EARS2: variants seen among roughly 807,000 people sequenced by gnomAD.
The protein encoded by EARS2 is glutamyl-tRNA synthetase 2, mitochondrial.
Under a neutral mutation model 54.1 loss-of-function variants are expected in EARS2, and 50 were observed. The ratio of observed to expected loss-of-function variants is 0.92; its 90% CI spans 0.74 to 1.17. The LOEUF (loss-of-function observed/expected upper bound fraction) is 1.17. EARS2 is among the 50% of genes most tolerant of loss of function. EARS2 has a pLI of 0.00. For missense variants in EARS2, 673 were observed against 675.0 expected (o/e 1.00, Z 0.03); for synonymous variants, 298 against 281.0 (o/e 1.06, Z -0.61).
At chr16:23,533,577 C>G (rs1965361984) in intron 4 of EARS2, among the ~76,000 whole-genome samples, 1 of 152,126 alleles carries the variant, frequency 6.6e-6, no homozygotes, top group African/African-American at 2.4e-5. Flanking sequence ...AGAAAGGGTT[C>G]CATCATTAAA....
intron 3 of EARS2, among the ~76,000 whole-genome samples, chr16:23,536,583 GC>G (rs1421086633): frequency 4.0e-5 from 6 of 151,870 alleles, no homozygotes; most frequent in African/African-American, 7.3e-5. Context: ...AATCACTGGA[GC>G]CCAGGAGGTT....
intron 7 of EARS2, among the ~76,000 whole-genome samples, chr16:23,525,941 T>G (rs1341604601): frequency 6.7e-6 from 1 of 148,664 alleles, no homozygotes; most frequent in Non-Finnish European, 1.5e-5. Context: ...GAGGTTGCAG[T>G]GAGCCGAGAT....
chr16:23,548,306 C>T (rs1488616529), intron 2 of EARS2, among the ~76,000 whole-genome samples: 1 of 151,638 alleles, frequency 6.6e-6, no homozygotes, highest in Non-Finnish European at 1.5e-5. Context: ...AAGAATGACT[C>T]CCAAAGTAAG....
rs1470598467 is a variant in EARS2 at position 23,532,717 on chromosome 16, A to T, written c.1007T>A (p.Leu336Gln). The change falls in exon 5 of 9, where the codon CTG (leucine) becomes CAG (glutamine). Residue 336 changes from leucine to glutamine, a missense_variant. Leu to Gln is a moderately radical substitution (Grantham distance 113). Transcript: ENST00000449606. ...GGCTGAGTGACAGGTGACCTGTGTC[A>T]GGTTGAACTGTGTGATCAGCTCCGG... is the stretch of plus-strand genomic sequence containing the variant. ...TLPELITQFNLTQVTCHSALL... is the reference protein window; with the variant it reads ...TLPELITQFNQTQVTCHSALL... 7.4e-6 allele frequency: 12 copies of T among 1,613,980 alleles called. No individual in the cohort carries two copies. Among genetic ancestry groups the T allele is most frequent in the African/African-American group, 1.3e-5 (1 of 74,924 alleles).
rs1196644540 is a variant in EARS2 at position 23,523,582 on chromosome 16, G to A, written c.*789C>T. 6.6e-6 allele frequency: 1 copy of A among 152,274 alleles called. No homozygotes were observed. The highest frequency in any genetic ancestry group is 2.4e-5 in the African/African-American group (1 of 41,438). The allele number at this position is 152,274 out of a possible 1,614,324, so 9.4% of individuals were successfully genotyped here. ...TCTGGTGTCCAGTTCAGCCCTGCTT[G>A]TGTCACGTATCCTTTGCTGCTCTGA... is the stretch of plus-strand genomic sequence containing the variant. On this transcript the variant is annotated 3_prime_UTR_variant, in exon 9 of 9. Transcript: ENST00000449606.
chr16:23,527,550 CTTTTTT>C (rs33925429), intron 7 of EARS2, among the ~76,000 whole-genome samples: 13 of 84,484 alleles, frequency 1.5e-4, no homozygotes, highest in Non-Finnish European at 1.9e-4. Context: ...AGTGATCGTT[CTTTTTT>C]TTTTTTTTTT....
chr16:23,556,701 C>T (rs999922682), intron 1 of EARS2: 2 of 357,802 alleles, frequency 5.6e-6, no homozygotes, highest in Non-Finnish European at 1.1e-5. Flanking sequence ...CGTGCTCCTT[C>T]TTGTCATTTG....
chr16:23,545,039 ACCATGTTGG>A (rs1476241138), intron 2 of EARS2: 3 of 197,536 alleles, frequency 1.5e-5, no homozygotes, highest in Non-Finnish European at 3.1e-5. Context: ...ACAGCGTTTC[ACCATGTTGG>A]CCAGGCTGGT....
chr16:23,553,604 A>C (rs1424981245), intron 1 of EARS2, among the ~76,000 whole-genome samples: 1 of 152,110 alleles, frequency 6.6e-6, no homozygotes, highest in Non-Finnish European at 1.5e-5. Flanking sequence ...AAAGAAAAAA[A>C]AAATCGGTGG....
In EARS2 at chr16:23,524,058, C is replaced by T. The variant is rs1266007917; in HGVS notation, c.*313G>A. 6 of 340,270 alleles carry T rather than the reference C, an allele frequency of 1.8e-5. No individual in the cohort carries two copies. The highest frequency in any genetic ancestry group is 4.2e-5 in the African/African-American group (2 of 47,130). The allele number at this position is 340,270 out of a possible 1,614,324, so 21.1% of individuals were successfully genotyped here. On this transcript the variant is annotated 3_prime_UTR_variant, in exon 9 of 9. Transcript: ENST00000449606. ...CCTAGCAAACTGAAACCCAAGCCTT[C>T]TGCACTGTTCCGGGATGTTAACTTT...
rs774958671 is a variant in EARS2, at chr16:23,548,272, T to TAAAA, written c.296-3573_296-3570dup. Among the ~76,000 whole-genome samples, 41 of 146,602 alleles carry TAAAA rather than the reference T, an allele frequency of 2.8e-4. 1 individual carries two copies. In the East Asian group the frequency reaches 3.7e-3, roughly 13 times the overall value. On this transcript the variant is annotated intron_variant, in intron 2 of 8. Transcript: ENST00000449606. ...ATAAATAAATAAATAAATAAATAAATAAAATGAAAAAAATTAAAAAAGAAA... is the reference window on the plus strand; with the variant it reads ...ATAAATAAATAAATAAATAAATAAATAAAAAAAATGAAAAAAATTAAAAAAGAAA...
At chr16:23,527,191 C>T (rs1965243337) in intron 7 of EARS2, among the ~76,000 whole-genome samples, 1 of 151,814 alleles carries the variant, frequency 6.6e-6, no homozygotes, top group East Asian at 1.9e-4. Flanking sequence ...GTCTCAAACT[C>T]CTGGCTTCAA....
chr16:23,542,324 T>C (rs1300133338), intron 3 of EARS2, among the ~76,000 whole-genome samples: 2 of 126,396 alleles, frequency 1.6e-5, no homozygotes. Flanking sequence ...TTCTTTTTTT[T>C]TTTTTTTTTT....
intron 7 of EARS2, among the ~76,000 whole-genome samples, chr16:23,528,616 C>T (rs1262988239): frequency 6.6e-6 from 1 of 152,182 alleles, no homozygotes; most frequent in Admixed American, 6.5e-5. Flanking sequence ...ACTAATAGGC[C>T]CTGGCCAGGC....
chr16:23,552,141 AG>A lies in EARS2; in HGVS notation c.295+7del, dbSNP rs753310091. 10 of 1,611,350 alleles carry A rather than the reference AG, an allele frequency of 6.2e-6. 1 individual carries two copies. In the South Asian group the frequency reaches 8.8e-5, roughly 14 times the overall value. Reference sequence around the variant, plus strand: ...CCTGCAGAAAGATCCTTTCTCTGCCAGGCTTACCTGCCCACTCCAGCATGTC... The same window carrying A: ...CCTGCAGAAAGATCCTTTCTCTGCCAGCTTACCTGCCCACTCCAGCATGTC... On this transcript the variant is annotated splice_region_variant and intron_variant, in intron 2 of 8. Transcript: ENST00000449606.
chr16:23,540,650 G>A (rs1597017748), intron 3 of EARS2, among the ~76,000 whole-genome samples: 1 of 152,304 alleles, frequency 6.6e-6, no homozygotes, highest in East Asian at 1.9e-4. Flanking sequence ...ATAACATAAA[G>A]GTTTGGGCTG....
intron 7 of EARS2, 47 bp from the exon 8 acceptor site, chr16:23,525,426 A>C (rs1317305759): frequency 6.4e-7 from 1 of 1,574,738 alleles, no homozygotes; most frequent in East Asian, 2.2e-5. Flanking sequence ...GCCAATGGCA[A>C]GTGGGTGGGA....
intron 7 of EARS2, among the ~76,000 whole-genome samples, chr16:23,527,207 C>G (rs1003726180): frequency 6.6e-6 from 1 of 152,134 alleles, no homozygotes; most frequent in African/African-American, 2.4e-5. Flanking sequence ...TTCAAGTGAT[C>G]CTCCCCATTC....
At chr16:23,540,672 T>C (rs1597017776) in intron 3 of EARS2, among the ~76,000 whole-genome samples, 1 of 152,376 alleles carries the variant, frequency 6.6e-6, no homozygotes, top group South Asian at 2.1e-4. Context: ...GCGCAGTGGC[T>C]CATGCCAGTA....
Sources: allele counts gnomAD v4.1 joint callset (sites outside exome capture counted in the v4.1 genomes callset), GRCh38; gene constraint gnomAD v4.1.1; transcripts MANE v1.5; gene names NCBI Gene and HGNC (gene_info 2026-07-23, HGNC 2026-07-21).